RRP1B: variants seen among roughly 807,000 people sequenced by gnomAD.
RRP1B encodes ribosomal RNA processing protein 1 homolog B.
RRP1B carries 56 observed loss-of-function variants against 80.2 expected under a neutral mutation model. The ratio of observed to expected loss-of-function variants is 0.70; its 90% confidence interval spans 0.56 to 0.87. The LOEUF is 0.87. Among genes scored for constraint, RRP1B ranks in the 40% least tolerant of loss-of-function variants. The pLI is 0.00. For missense variants in RRP1B, 807 were observed against 939.8 expected, an observed-to-expected ratio of 0.86 and a Z score of 1.85; for synonymous variants, 351 against 357.6, an observed-to-expected ratio of 0.98 and a Z score of 0.21.
intron 3 of RRP1B, 129 bp downstream of exon 3, chr21:43,672,494 TAGTC>T (rs1170175075): frequency 1.3e-6 from 1 of 782,746 alleles, no homozygotes; most frequent in Non-Finnish European, 2.2e-6. Context: ...GTGATAAACT[TAGTC>T]ATTGACTTGG....
At chr21:43,672,408 C>T (rs781758451) in intron 3 of RRP1B, 43 bp downstream of exon 3, 1 of 1,542,472 alleles carries the variant, frequency 6.5e-7, no homozygotes, top group South Asian at 1.1e-5. Flanking sequence ...AGTTTTCCGA[C>T]TTGCTAGTTT....
At chr21:43,685,689 A>G (rs1261767756) in intron 10 of RRP1B, 81 bp from the exon 11 acceptor site, 2 of 1,028,472 alleles carry the variant, frequency 1.9e-6, no homozygotes, top group Non-Finnish European at 1.3e-6. Context: ...TCAAATACAT[A>G]TGTCTACAGA....
At chr21:43,680,968 A>G (rs1049472601) in intron 8 of RRP1B, among the ~76,000 whole-genome samples, 4 of 152,154 alleles carry the variant, frequency 2.6e-5, no homozygotes, top group Non-Finnish European at 5.9e-5. Context: ...AGCCGGTTGC[A>G]GTGGCTCATG....
chr21:43,669,948 G>A lies in RRP1B; in HGVS notation c.195G>A (p.Gln65=), dbSNP rs2082992865. 3.1e-6 allele frequency: 5 copies of A among 1,609,558 alleles called. No individual in the cohort carries two copies. The highest frequency in any genetic ancestry group is 4.2e-6 in the Non-Finnish European group (5 of 1,176,606). ...WKGLFYCMWV[Q]DEPLLQEELA... ...GGCTCTTCTACTGCATGTGGGTGCA[G>A]GATGAACCCCTTCTACAGGTAACAT... Residue 65 remains glutamine, a synonymous_variant, in exon 2 of 16, where the codon CAG becomes CAA. Transcript: ENST00000340648.
At chr21:43,677,022 G>A in intron 8 of RRP1B, 108 bp downstream of exon 8, 1 of 1,115,580 alleles carries the variant, frequency 9.0e-7, no homozygotes, top group Non-Finnish European at 1.3e-6. Flanking sequence ...ACCTAGAGTT[G>A]ATGGCTCTGC....
intron 11 of RRP1B, among the ~76,000 whole-genome samples, 182 bp downstream of exon 11, chr21:43,685,971 A>G (rs2083061585): frequency 6.6e-6 from 1 of 152,226 alleles, no homozygotes; most frequent in African/African-American, 2.4e-5. Context: ...AAATGAAAAA[A>G]TTAGCCAGGC....
In RRP1B at chr21:43,693,493, T is replaced by C. The variant is rs1371213973; in HGVS notation, c.*110T>C. On this transcript the variant is annotated 3_prime_UTR_variant, in exon 16 of 16. Transcript: ENST00000340648. This position sits in a 1 kb window ranked among gnomAD's most constrained non-coding sequence, Gnocchi z 4.1. ...TGATTTTGTAAGTTCCCATAAGTTG[T>C]GTGCACGAGGTTCTGAGAGTGCCCG... 1 of 1,162,722 alleles carries C rather than the reference T, an allele frequency of 8.6e-7. No individual in the cohort carries two copies. The highest frequency in any genetic ancestry group is 1.2e-6 in the Non-Finnish European group (1 of 862,554). The allele number at this position is 1,162,722 out of a possible 1,614,324, so 72.0% of individuals were successfully genotyped here.
chr21:43,694,318 T>G lies in RRP1B; in HGVS notation c.*935T>G, dbSNP rs1211635792. 5 of 152,252 alleles carry G rather than the reference T, an allele frequency of 3.3e-5. No homozygotes were observed. The highest frequency in any genetic ancestry group is 1.3e-4 in the Admixed American group (2 of 15,280). 9.4% of individuals were successfully genotyped at this position (152,252 alleles called of 1,614,324 possible). A position where few individuals can be genotyped will look rare whatever the true frequency, so the allele number is the denominator to read the frequency against. ...CGCTCCGGCTCAGCGACCTTTCCTC[T>G]CAAATGCGGAAGCGTGCACTTACAG... On this transcript the variant is annotated 3_prime_UTR_variant, in exon 16 of 16. Transcript: ENST00000340648.
At chr21:43,681,465 C>G (rs563597560) in intron 8 of RRP1B, among the ~76,000 whole-genome samples, 4 of 151,808 alleles carry the variant, frequency 2.6e-5, no homozygotes, top group African/African-American at 7.2e-5. Context: ...AAGCAATTCT[C>G]CTGCCTCAGC....
chr21:43,689,725 G>C (rs117964513), intron 13 of RRP1B, among the ~76,000 whole-genome samples: 1 of 152,226 alleles, frequency 6.6e-6, no homozygotes, highest in Non-Finnish European at 1.5e-5. Context: ...GAAGCTCCTC[G>C]GGCTTCCCTG....
chr21:43,682,717 A>G (rs1025279014), intron 8 of RRP1B, among the ~76,000 whole-genome samples: 2 of 152,234 alleles, frequency 1.3e-5, no homozygotes, highest in African/African-American at 4.8e-5. Context: ...GGGGGAGGAA[A>G]TCATCGAAGG....
At chr21:43,669,367 C>A (rs1325414229) in intron 1 of RRP1B, among the ~76,000 whole-genome samples, 1 of 152,192 alleles carries the variant, frequency 6.6e-6, no homozygotes, top group Admixed American at 6.5e-5. Flanking sequence ...CAGGCCCTTT[C>A]CTAGGCCTTT....
intron 8 of RRP1B, among the ~76,000 whole-genome samples, chr21:43,679,677 A>T (rs1306654600): frequency 6.6e-6 from 1 of 152,098 alleles, no homozygotes; most frequent in Admixed American, 6.6e-5. Context: ...AAGAATGATG[A>T]TGGTATTTTT....
intron 13 of RRP1B, among the ~76,000 whole-genome samples, chr21:43,689,328 C>T (rs1470162029): frequency 6.6e-6 from 1 of 152,244 alleles, no homozygotes; most frequent in East Asian, 1.9e-4. Flanking sequence ...GAGATTATGA[C>T]ATCTCTTGTT....
chr21:43,677,395 T>C (rs1254912312), intron 8 of RRP1B, among the ~76,000 whole-genome samples: 1 of 152,222 alleles, frequency 6.6e-6, no homozygotes, highest in Non-Finnish European at 1.5e-5. Flanking sequence ...TAATTCTTAC[T>C]ACTGTTTTGT....
chr21:43,674,586 CTTTTTTTTT>C (rs33994751), intron 4 of RRP1B, 41 bp from the exon 5 acceptor site: 47 of 392,702 alleles, frequency 1.2e-4, no homozygotes, highest in East Asian at 7.7e-4. Flanking sequence ...CTTACCTTTC[CTTTTTTTTT>C]TTTTTTTTTT....
chr21:43,695,373 G>T lies in RRP1B; in HGVS notation c.*1990G>T, dbSNP rs1439883862. 1 of 152,058 alleles carries T rather than the reference G, an allele frequency of 6.6e-6. No individual in the cohort carries two copies. Among genetic ancestry groups the T allele is most frequent in the Non-Finnish European group, 1.5e-5 (1 of 68,034 alleles). The allele number at this position is 152,058 out of a possible 1,614,324, so 9.4% of individuals were successfully genotyped here. ...TTTTCCTAGCATTTCTATATTATCT[G>T]TCCATTCTGAGGAACCAGTGAATGT... On this transcript the variant is annotated 3_prime_UTR_variant, in exon 16 of 16. Coordinates refer to ENST00000340648, the MANE Select transcript of RRP1B (RefSeq NM_015056.3).
intron 1 of RRP1B, 22 bp from the exon 2 acceptor site, chr21:43,669,862 T>C: frequency 6.4e-7 from 1 of 1,571,034 alleles, no homozygotes; most frequent in Non-Finnish European, 8.8e-7. Context: ...CTCTAAGATG[T>C]TTGTATTGTT....
At chr21:43,688,426 G>C (rs922627742) in intron 13 of RRP1B, among the ~76,000 whole-genome samples, 186 bp downstream of exon 13, 2 of 152,216 alleles carry the variant, frequency 1.3e-5, no homozygotes, top group Non-Finnish European at 2.9e-5. Context: ...CCAGTACTTC[G>C]GTCCTCCTCA....
Sources: gnomAD v4.1 joint callset for allele counts (sites outside exome capture counted in the v4.1 genomes callset) on GRCh38, gnomAD v4.1.1 for gene constraint, Gnocchi (gnomAD v3.1) non-coding constraint, MANE v1.5 for transcripts, NCBI Gene and HGNC (gene_info 2026-07-23, HGNC 2026-07-21) for gene names.